Variants in CPA6 observed in about 807,000 individuals in gnomAD.
CPA6 encodes the protein carboxypeptidase B.
A neutral mutation model predicts 63.3 loss-of-function variants in CPA6; 58 were observed. The observed-to-expected ratio is 0.92, with a 90% CI of 0.74 to 1.14. The LOEUF (loss-of-function observed/expected upper bound fraction) is 1.14. Among genes scored for constraint, CPA6 ranks in the 50% most tolerant of loss-of-function variants. The pLI is 0.00. For missense variants in CPA6, 565 were observed against 526.6 expected, an observed-to-expected ratio of 1.07 and a Z score of -0.71; for synonymous variants, 185 against 179.0, an observed-to-expected ratio of 1.03 and a Z score of -0.27.
At chr8:67,425,761 G>A (rs1158545545) in intron 10 of CPA6, among the ~76,000 whole-genome samples, 2 of 152,134 alleles carry the variant, frequency 1.3e-5, no homozygotes, top group Non-Finnish European at 2.9e-5. Context: ...ACAGAAAATA[G>A]GCTGTGGCTT....
chr8:67,457,579 TCAC>T (rs1310538801), intron 8 of CPA6, among the ~76,000 whole-genome samples: 1 of 152,154 alleles, frequency 6.6e-6, no homozygotes, highest in Non-Finnish European at 1.5e-5. Flanking sequence ...TCATCACCTC[TCAC>T]CTGGATAGCA....
chr8:67,673,600 G>A (rs1221674691), intron 1 of CPA6, among the ~76,000 whole-genome samples: 1 of 149,836 alleles, frequency 6.7e-6, no homozygotes, highest in Non-Finnish European at 1.5e-5. Context: ...CACCGTGTTA[G>A]CCAGGATGGT....
At position 67,475,866 on chromosome 8, in the gene CPA6, TC is replaced by T. The variant is rs1254340662; in HGVS notation, c.838+7901del. ...TTCTTTCTTTCTTTCTTTCTTTCTT[TC>T]TTTCTTTCTTTCTCCTTTCTTTCTT... On this transcript the variant is annotated intron_variant, in intron 8 of 10. Transcript: ENST00000297770. 4.1e-3 allele frequency among the ~76,000 whole-genome samples: 405 copies of T among 97,722 alleles called. 16 individuals are homozygous for T. Among genetic ancestry groups the T allele is most frequent in the East Asian group, 7.6e-3 (27 of 3,552 alleles). The allele number at this position is 97,722 out of a possible 152,430, so 64.1% of individuals were successfully genotyped here.
intron 1 of CPA6, among the ~76,000 whole-genome samples, chr8:67,729,528 C>G (rs1414316848): frequency 3.3e-5 from 5 of 152,088 alleles, no homozygotes; most frequent in Admixed American, 3.3e-4. Flanking sequence ...TTCCTTCCCC[C>G]AAAGAGAGTA....
chr8:67,484,914 T>C (rs1403191906), intron 6 of CPA6, 125 bp from the exon 7 acceptor site: 3 of 537,062 alleles, frequency 5.6e-6, no homozygotes, highest in Non-Finnish European at 1.0e-5. Flanking sequence ...TAAACTAACA[T>C]GAAGTTTAGT....
intron 8 of CPA6, among the ~76,000 whole-genome samples, chr8:67,446,220 G>A (rs1264777545): frequency 6.9e-6 from 1 of 144,260 alleles, no homozygotes; most frequent in African/African-American, 2.7e-5. Context: ...GAGTGGAGAT[G>A]CGCCACTGCA....
chr8:67,676,105 A>G (rs1273451107), intron 1 of CPA6, among the ~76,000 whole-genome samples: 1 of 152,102 alleles, frequency 6.6e-6, no homozygotes, highest in East Asian at 1.9e-4. Flanking sequence ...GACACACTAT[A>G]CCTATATCAA....
intron 2 of CPA6, among the ~76,000 whole-genome samples, chr8:67,572,902 T>A (rs191722352): frequency 6.6e-6 from 1 of 152,254 alleles, no homozygotes; most frequent in Non-Finnish European, 1.5e-5. Context: ...GCTAGCAAAC[T>A]CAACAGTGCA....
intron 1 of CPA6, among the ~76,000 whole-genome samples, chr8:67,639,237 C>T (rs1314748651): frequency 6.6e-6 from 1 of 151,554 alleles, no homozygotes; most frequent in Non-Finnish European, 1.5e-5. Context: ...TGGGGTGTTG[C>T]TTCACCAGCT....
intron 1 of CPA6, among the ~76,000 whole-genome samples, chr8:67,671,407 T>C (rs1440216746): frequency 2.0e-5 from 3 of 152,202 alleles, no homozygotes; most frequent in Admixed American, 6.5e-5. Context: ...CAAGCTCCTG[T>C]TCAGCAGGAT....
intron 8 of CPA6, among the ~76,000 whole-genome samples, chr8:67,455,023 A>C (rs1180676701): frequency 6.6e-6 from 1 of 152,196 alleles, no homozygotes; most frequent in Non-Finnish European, 1.5e-5. Flanking sequence ...AAGAGACTCA[A>C]TGGAGCTCAA....
intron 1 of CPA6, among the ~76,000 whole-genome samples, chr8:67,645,458 A>G (rs594006): frequency 0.64 from 96,877 of 152,046 alleles, 31,959 homozygotes; most frequent in African/African-American, 0.82. Context: ...ATCTACTGGC[A>G]TATCCTAGAA....
intron 1 of CPA6, among the ~76,000 whole-genome samples, chr8:67,697,528 T>G (rs532479154): frequency 6.6e-6 from 1 of 152,310 alleles, no homozygotes; most frequent in African/African-American, 2.4e-5. Context: ...ATGAAATATA[T>G]GCTATAAAGG....
rs1359779072 is a variant in CPA6 at position 67,449,909 on chromosome 8, G to A, written c.839-15669C>T. ...GAGCTCACTGCAACCTCCACCTCCCGGGTTCAAGCGATTCTCATGCCTCAG... is the reference window on the plus strand; with the variant it reads ...GAGCTCACTGCAACCTCCACCTCCCAGGTTCAAGCGATTCTCATGCCTCAG... On this transcript the variant is annotated intron_variant, in intron 8 of 10. Coordinates refer to ENST00000297770, the MANE Select transcript of CPA6 (RefSeq NM_020361.5). Among the ~76,000 whole-genome samples the A allele has an allele frequency of 2.0e-5, 3 of 148,306 alleles. No individual in the cohort carries two copies. The Admixed American group carries it at 2.1e-4, about 10-fold the overall frequency.
chr8:67,632,145 ATGCTG>A (rs1407059060), intron 1 of CPA6, among the ~76,000 whole-genome samples: 2 of 107,144 alleles, frequency 1.9e-5, no homozygotes, highest in South Asian at 3.5e-4. Flanking sequence ...TTAAAAAATG[ATGCTG>A]TGTGTGTGTG....
In CPA6 at chr8:67,594,244, G is replaced by A. The variant is rs1184481416; in HGVS notation, c.192+29932C>T. Among the ~76,000 whole-genome samples, 23 of 152,228 alleles carry A rather than the reference G, an allele frequency of 1.5e-4. No individual in the cohort carries two copies. In the South Asian group the frequency reaches 1.9e-3, roughly 12 times the overall value. On this transcript the variant is annotated intron_variant, in intron 2 of 10. Coordinates refer to ENST00000297770, the MANE Select transcript of CPA6 (RefSeq NM_020361.5). The stretch of plus-strand genomic sequence containing the variant: ...TCTTCTGGCTTGTAGAGTTTCTGCC[G>A]AGAGATCCGCTGTTAGTCTGATGGG...
intron 5 of CPA6, among the ~76,000 whole-genome samples, chr8:67,508,015 G>GTT (rs1811967250): frequency 3.5e-5 from 2 of 56,452 alleles, no homozygotes; most frequent in Non-Finnish European, 3.6e-5. Context: ...GTGTGTGTGT[G>GTT]TGTGTGTGTG....
At chr8:67,737,913 C>G (rs145727424) in intron 1 of CPA6, among the ~76,000 whole-genome samples, 1 of 152,266 alleles carries the variant, frequency 6.6e-6, no homozygotes, top group African/African-American at 2.4e-5. Context: ...ATCCTTTTAC[C>G]TTTATGGAGT....
chr8:67,455,638 T>C (rs1482871347), intron 8 of CPA6, among the ~76,000 whole-genome samples: 1 of 78,510 alleles, frequency 1.3e-5, no homozygotes, highest in Non-Finnish European at 2.3e-5. Flanking sequence ...CTGGAAAACA[T>C]AGTGAAGCCC....
Sources: gnomAD v4.1 joint callset for allele counts (sites outside exome capture counted in the v4.1 genomes callset) on GRCh38, gnomAD v4.1.1 for gene constraint, MANE v1.5 for transcripts, NCBI Gene and HGNC (gene_info 2026-07-23, HGNC 2026-07-21) for gene names.